C10orf90: variants seen among roughly 807,000 people sequenced by gnomAD.
C10orf90 encodes chromosome 10 open reading frame 90, also known as (E2-independent) E3 ubiquitin-conjugating enzyme FATS.
In C10orf90, 56 loss-of-function variants were observed where a neutral mutation model predicts 62.5. The ratio of observed to expected loss-of-function variants is 0.90; its 90% CI spans 0.72 to 1.12. C10orf90 has a LOEUF of 1.12. Ranked by LOEUF, C10orf90 falls within the 50% of genes most tolerant of loss-of-function variation. C10orf90 has a pLI of 0.00. For missense variants in C10orf90, 970 were observed against 880.4 expected, an observed-to-expected ratio of 1.10 and a Z score of -1.29; for synonymous variants, 386 against 340.4, an observed-to-expected ratio of 1.13 and a Z score of -1.47.
chr10:126,622,181 T>C (rs1386393646), intron 2 of C10orf90, among the ~76,000 whole-genome samples: 7 of 152,316 alleles, frequency 4.6e-5, no homozygotes, highest in African/African-American at 4.8e-5. Flanking sequence ...GAATCTATCA[T>C]AGTCCCTGGG....
Position 126,459,119 on chromosome 10 carries a change from C to G in C10orf90, c.2109G>C (p.Lys703Asn). 2 of 1,614,194 alleles carry G rather than the reference C, an allele frequency of 1.2e-6. No individual in the cohort carries two copies. Among genetic ancestry groups the G allele is most frequent in the Non-Finnish European group, 8.5e-7 (1 of 1,180,046 alleles). ...HMVQQRKAQRKEDLRQKQSLL... is the reference protein window; with the variant it reads ...HMVQQRKAQRNEDLRQKQSLL... ...GGCTCTGCTTCTGCCTCAGGTCCTC[C>G]TTCCGCTGGGCTTTCCTCTGCTGGA... The change falls in exon 7 of 10, where the codon AAG (lysine) becomes AAC (asparagine). Residue 703 changes from lysine to asparagine, a missense_variant. Lys to Asn is a moderately conservative substitution (Grantham distance 94). Coordinates refer to ENST00000488181, the MANE Select transcript of C10orf90 (RefSeq NM_001350921.2).
chr10:126,441,180 T>A (rs1459400016), intron 7 of C10orf90, among the ~76,000 whole-genome samples: 1 of 151,878 alleles, frequency 6.6e-6, no homozygotes, highest in Non-Finnish European at 1.5e-5. Flanking sequence ...ATAGAAAGCA[T>A]AAAGAAAAAA....
At chr10:126,638,984 T>C (rs1389100780) in intron 2 of C10orf90, among the ~76,000 whole-genome samples, 1 of 152,238 alleles carries the variant, frequency 6.6e-6, no homozygotes, top group African/African-American at 2.4e-5. Context: ...AAACAGCCTT[T>C]TATGGAATAA....
chr10:126,533,948 C>T (rs535020037), intron 2 of C10orf90, among the ~76,000 whole-genome samples: 2 of 152,204 alleles, frequency 1.3e-5, no homozygotes, highest in Admixed American at 6.5e-5. Context: ...TGGGTGGCAC[C>T]TTGCCACTGA....
At chr10:126,666,142 G>A (rs1322575066) in intron 1 of C10orf90, among the ~76,000 whole-genome samples, 1 of 152,112 alleles carries the variant, frequency 6.6e-6, no homozygotes, top group East Asian at 1.9e-4. Flanking sequence ...TTTGTTGCGG[G>A]GTTGAAGGTG....
rs542202596 is a variant in C10orf90, at chr10:126,503,838, A to G, written c.1534+119T>C. On this transcript the variant is annotated intron_variant, in intron 4 of 9. Transcript: ENST00000488181. ...TTGTCAACTATGAGCAGAGCAGATCACTGCAAGTCTACTGAGAAATGCCTC... is the reference window on the plus strand; with the variant it reads ...TTGTCAACTATGAGCAGAGCAGATCGCTGCAAGTCTACTGAGAAATGCCTC... 9.0e-6 allele frequency: 11 copies of G among 1,222,288 alleles called. No individual in the cohort carries two copies. The East Asian group carries it at 9.9e-5, about 11-fold the overall frequency. The allele number at this position is 1,222,288 out of a possible 1,614,324, so 75.7% of individuals were successfully genotyped here. A position where few individuals can be genotyped will look rare whatever the true frequency, so the allele number is the denominator to read the frequency against.
Position 126,504,854 on chromosome 10 carries a change from G to A in C10orf90, c.637C>T (p.Arg213Ter). Residue 213 changes from arginine to a stop codon, truncating the protein, a stop_gained, in exon 4 of 10, where the codon CGA becomes TGA. Coordinates refer to ENST00000488181, the MANE Select transcript of C10orf90 (RefSeq NM_001350921.2). LOFTEE classifies it high-confidence loss of function. The surrounding 1 kb of genome is among the most constrained non-coding windows in gnomAD (Gnocchi z 4.1). ...RLGIPAPSDE[R>*]GPEAELPPKE... ...GGCGGCAGCTCTGCCTCAGGTCCTCGCTCATCTGACGGTGCCGGGATTCCT... is the reference window on the plus strand; with the variant it reads ...GGCGGCAGCTCTGCCTCAGGTCCTCACTCATCTGACGGTGCCGGGATTCCT... 6.2e-7 allele frequency: 1 copy of A among 1,611,888 alleles called. No homozygotes were observed. The highest frequency in any genetic ancestry group is 1.1e-5 in the South Asian group (1 of 90,664).
intron 2 of C10orf90, among the ~76,000 whole-genome samples, chr10:126,557,647 C>T (rs368054160): frequency 3.3e-5 from 5 of 152,084 alleles, no homozygotes; most frequent in Admixed American, 6.6e-5. Context: ...TGTTGCAAAA[C>T]GTTTACAAAT....
chr10:126,548,056 C>G (rs1183406782), intron 2 of C10orf90, among the ~76,000 whole-genome samples: 1 of 149,082 alleles, frequency 6.7e-6, no homozygotes, highest in East Asian at 2.0e-4. Context: ...AGATGATAAA[C>G]AAACAGAAAA....
intron 1 of C10orf90, among the ~76,000 whole-genome samples, chr10:126,655,834 C>CAAAAAAAA (rs1195360598): frequency 7.8e-4 from 99 of 126,476 alleles, no homozygotes; most frequent in Non-Finnish European, 1.3e-3. Flanking sequence ...CAAAACAAAA[C>CAAAAAAAA]AAAACAAAAA....
chr10:126,670,183 C>T (rs552462555), intron 1 of C10orf90, 58 bp downstream of exon 1: 33 of 439,854 alleles, frequency 7.5e-5, no homozygotes, highest in African/African-American at 5.2e-4. Flanking sequence ...ATGAGCAACA[C>T]GTCCATCTCT....
In C10orf90 at chr10:126,468,539, G is replaced by A. The variant is rs568292509; in HGVS notation, c.1535-3553C>T. Among the ~76,000 whole-genome samples the A allele has an allele frequency of 2.8e-4, 43 of 152,328 alleles. 1 individual carries two copies. In the South Asian group the frequency reaches 8.5e-3, roughly 30 times the overall value. The stretch of plus-strand genomic sequence containing the variant: ...GTTCTGGACACCAGGGACTGATCAC[G>A]GTTGGCATCAGGCAGGGCTGGCATG... On this transcript the variant is annotated intron_variant, in intron 4 of 9. Coordinates refer to ENST00000488181, the MANE Select transcript of C10orf90 (RefSeq NM_001350921.2).
intron 7 of C10orf90, among the ~76,000 whole-genome samples, chr10:126,447,503 TAC>T (rs1858862917): frequency 6.6e-6 from 1 of 152,150 alleles, no homozygotes; most frequent in African/African-American, 2.4e-5. Flanking sequence ...AATATATATA[TAC>T]ATCTAATATC....
At chr10:126,547,344 G>A (rs61865909) in intron 2 of C10orf90, among the ~76,000 whole-genome samples, 6,690 of 149,230 alleles carry the variant, frequency 0.045, 195 homozygotes, top group Non-Finnish European at 0.064. Flanking sequence ...GTGTGAACCC[G>A]GGAGGCGGAG....
At chr10:126,631,352 C>T (rs1295978570) in intron 2 of C10orf90, among the ~76,000 whole-genome samples, 2 of 152,108 alleles carry the variant, frequency 1.3e-5, no homozygotes, top group Non-Finnish European at 2.9e-5. Flanking sequence ...CAGTCCCGTT[C>T]CTTCCTCAAA....
chr10:126,481,474 C>T (rs896460114), intron 4 of C10orf90, among the ~76,000 whole-genome samples: 2 of 152,238 alleles, frequency 1.3e-5, no homozygotes, highest in African/African-American at 4.8e-5. Context: ...TAACTGATGA[C>T]TCCTCACGGA....
chr10:126,553,525 TGA>T (rs1406355627), intron 2 of C10orf90, among the ~76,000 whole-genome samples: 33 of 152,194 alleles, frequency 2.2e-4, no homozygotes, highest in Non-Finnish European at 4.4e-4. Flanking sequence ...TATTACCTAG[TGA>T]TGTCATAGAC....
At chr10:126,519,230 G>T (rs6597775) in intron 2 of C10orf90, among the ~76,000 whole-genome samples, 135,262 of 152,242 alleles carry the variant, frequency 0.89, 60,282 homozygotes, top group African/African-American at 0.96. Context: ...GGCAGAAATG[G>T]CTTAAGATAA....
chr10:126,479,571 C>T (rs1002079329), intron 4 of C10orf90, among the ~76,000 whole-genome samples: 9 of 152,174 alleles, frequency 5.9e-5, no homozygotes, highest in African/African-American at 2.2e-4. Context: ...GCAGGACCCA[C>T]CCCCTCCAGG....
Sources: allele counts gnomAD v4.1 joint callset (sites outside exome capture counted in the v4.1 genomes callset), GRCh38; gene constraint gnomAD v4.1.1; non-coding constraint Gnocchi (gnomAD v3.1); transcripts MANE v1.5; gene names NCBI Gene and HGNC (gene_info 2026-07-23, HGNC 2026-07-21).